The following KMT2D variants were observed in gnomAD, a reference collection of about 807,000 sequenced individuals.
KMT2D encodes the protein histone-lysine N-methyltransferase 2D.
Under a neutral mutation model 512.7 loss-of-function variants are expected in KMT2D, and 55 were observed. The ratio of observed to expected loss-of-function variants is 0.11; its 90% CI spans 0.09 to 0.13. The LOEUF (loss-of-function observed/expected upper bound fraction) is 0.13, where lower values mean the gene tolerates loss of function less well. Among genes scored for constraint, KMT2D ranks in the 10% least tolerant of loss-of-function variants. The pLI is 1.00. For synonymous variants in KMT2D, 2,995 were observed against 2,904.0 expected, an observed-to-expected ratio of 1.03 and a Z score of -1.01; for missense variants, 6,061 against 7,127.9, an observed-to-expected ratio of 0.85 and a Z score of 5.39.
Position 49,055,093 on chromosome 12 carries a change from A to T in KMT2D, c.50-67T>A. On this transcript the variant is annotated intron_variant, in intron 2 of 54. Coordinates refer to ENST00000301067, the MANE Select transcript of KMT2D (RefSeq NM_003482.4). ...ATTTAACACAAAGTCCACTCACCAG[A>T]CGCATGAGATTATCCAAAACCTGAG... 4 of 1,599,764 alleles carry T rather than the reference A, an allele frequency of 2.5e-6. No individual in the cohort carries two copies. The South Asian group carries it at 4.5e-5, about 18-fold the overall frequency.
intron 41 of KMT2D, 58 bp downstream of exon 41, chr12:49,030,835 G>A (rs1312703655): frequency 4.3e-6 from 7 of 1,612,278 alleles, no homozygotes; most frequent in Non-Finnish European, 5.1e-6. Flanking sequence ...CACAGCTGGG[G>A]GACAGGGTGC....
chr12:49,032,792 T>C lies in KMT2D; in HGVS notation c.11913A>G (p.Gln3971=), dbSNP rs760102083. The C allele has an allele frequency of 6.4e-7, 1 of 1,553,522 alleles. No homozygotes were observed. The highest frequency in any genetic ancestry group is 2.4e-5 in the East Asian group (1 of 41,082). Residue 3971 remains glutamine, a synonymous_variant, in exon 40 of 55, where the codon CAA becomes CAG. Coordinates refer to ENST00000301067, the MANE Select transcript of KMT2D (RefSeq NM_003482.4). ...QQQQQFQQQQ[Q]QQQMGLLNQS... ...GGTTTAAAAGGCCCATCTGCTGCTGTTGCTGCTGCTGTTGAAACTGCTGCT... is the reference window on the plus strand; with the variant it reads ...GGTTTAAAAGGCCCATCTGCTGCTGCTGCTGCTGCTGTTGAAACTGCTGCT...
intron 1 of KMT2D, among the ~76,000 whole-genome samples, chr12:49,058,311 G>C (rs897596223): frequency 6.6e-6 from 1 of 152,206 alleles, no homozygotes; most frequent in African/African-American, 2.4e-5. Context: ...CCGGAGTGGA[G>C]AGCAGGATTG....
Position 49,039,527 on chromosome 12 carries a change from C to T in KMT2D, c.8137G>A (p.Ala2713Thr), listed in dbSNP as rs748969707. ...EKETAAAAAG[A>T]VGPPGSWGAE... The stretch of plus-strand genomic sequence containing the variant: ...CCCCAGCTGCCTGGAGGCCCCACTG[C>T]TCCTGCAGCTGCTGCAGCTGTTTCC... Residue 2713 changes from alanine to threonine, a missense_variant, in exon 33 of 55, where the codon GCA becomes ACA. Ala to Thr is a moderately conservative substitution (Grantham distance 58). Coordinates refer to ENST00000301067, the MANE Select transcript of KMT2D (RefSeq NM_003482.4). This position sits in a 1 kb window ranked among gnomAD's most constrained non-coding sequence, Gnocchi z 5.0. The T allele has an allele frequency of 2.0e-5, 33 of 1,612,126 alleles. No homozygotes were observed. Among genetic ancestry groups the T allele is most frequent in the Middle Eastern group, 1.6e-4 (1 of 6,082 alleles).
At position 49,019,023 on chromosome 12, in the gene KMT2D, G is replaced by GAAGAAGCAAAATCCAAAACTTGC; in HGVS notation, c.*2734_*2756dup. On this transcript the variant is annotated 3_prime_UTR_variant, in exon 55 of 55. Coordinates refer to ENST00000301067, the MANE Select transcript of KMT2D (RefSeq NM_003482.4). ...TATTTGTCGTTTAAAAACAAACTTG[G>GAAGAAGCAAAATCCAAAACTTGC]AAGAAGCAAAATCCAAAACTTGCCC... 7.2e-7 allele frequency: 1 copy of GAAGAAGCAAAATCCAAAACTTGC among 1,386,580 alleles called. No homozygotes were observed. Among genetic ancestry groups the GAAGAAGCAAAATCCAAAACTTGC allele is most frequent in the Non-Finnish European group, 9.3e-7 (1 of 1,072,880 alleles). The allele number at this position is 1,386,580 out of a possible 1,614,324, so 85.9% of individuals were successfully genotyped here. A position where few individuals can be genotyped will look rare whatever the true frequency, so the allele number is the denominator to read the frequency against.
At chr12:49,058,423 A>G (rs1938540996) in intron 1 of KMT2D, among the ~76,000 whole-genome samples, 1 of 152,170 alleles carries the variant, frequency 6.6e-6, no homozygotes, top group Admixed American at 6.5e-5. Context: ...AGACTCAAAG[A>G]AATCTAGTAT....
chr12:49,041,046 C>T lies in KMT2D; in HGVS notation c.6724G>A (p.Asp2242Asn), dbSNP rs1344298960. The change falls in exon 32 of 55, where the codon GAC (aspartate) becomes AAC (asparagine). Residue 2242 changes from aspartate to asparagine, a missense_variant. Around this residue, in one of 16 missense-constraint regions of KMT2D, gnomAD observed 710 missense variants for 647.3 expected, o/e 1.10. Coordinates refer to ENST00000301067, the MANE Select transcript of KMT2D (RefSeq NM_003482.4). This position sits in a 1 kb window ranked among gnomAD's most constrained non-coding sequence, Gnocchi z 5.4. The stretch of plus-strand genomic sequence containing the variant: ...GGGCAGCGGGGTTTGAGGAATGGGT[C>T]AGGTGTGGAGGGCTGGTGTCTGGGG... ...GTPRHQPSTP[D>N]PFLKPRCPSL... The T allele has an allele frequency of 1.9e-6, 3 of 1,561,486 alleles. No homozygotes were observed. The highest frequency in any genetic ancestry group is 2.6e-6 in the Non-Finnish European group (3 of 1,153,280).
In KMT2D at chr12:49,026,774, A is replaced by G. The variant is rs750946638; in HGVS notation, c.15192T>C (p.Leu5064=). Reference sequence around the variant, plus strand: ...GGGTCTCATACACCTCCGTGGACCAAAGGGCACAGTTGAGGTGCACCCACA... The same window carrying G: ...GGGTCTCATACACCTCCGTGGACCAGAGGGCACAGTTGAGGTGCACCCACA... The part of the protein sequence containing the change: ...LDLWVHLNCA[L]WSTEVYETQG... Residue 5064 remains leucine, a synonymous_variant, in exon 49 of 55, where the codon CTT becomes CTC. Transcript: ENST00000301067. This position sits in a 1 kb window ranked among gnomAD's most constrained non-coding sequence, Gnocchi z 9.6. The G allele has an allele frequency of 6.2e-7, 1 of 1,612,970 alleles. No homozygotes were observed. The highest frequency in any genetic ancestry group is 8.5e-7 in the Non-Finnish European group (1 of 1,178,970).
At position 49,043,372 on chromosome 12, in the gene KMT2D, C is replaced by A. The variant is rs1399516081; in HGVS notation, c.5524G>T (p.Asp1842Tyr). ...EESRGLEGKADTPGPEDGGVK... is the reference protein window; with the variant it reads ...EESRGLEGKAYTPGPEDGGVK... ...CCCCGGCAGCCCTCACCTGGTGTAT[C>A]GGCTTTGCCCTCGAGGCCACGGGAT... The change falls in exon 25 of 55, where the codon GAT becomes TAT. Residue 1842 changes from aspartate to tyrosine, a missense_variant. Physicochemically the swap from Asp to Tyr is radical, Grantham distance 160. Transcript: ENST00000301067. 1 of 1,613,930 alleles carries A rather than the reference C, an allele frequency of 6.2e-7. No individual in the cohort carries two copies. The highest frequency in any genetic ancestry group is 1.1e-5 in the South Asian group (1 of 91,090).
rs549710712 is a variant in KMT2D at position 49,051,420 on chromosome 12, G to C, written c.2263C>G (p.Arg755Gly). The C allele has an allele frequency of 6.2e-6, 10 of 1,607,858 alleles. No individual in the cohort carries two copies. The South Asian group carries it at 1.1e-4, about 18-fold the overall frequency. ...PRPEEPHLSPRPEEPHLSPQA... is the reference protein window; with the variant it reads ...PRPEEPHLSPGPEEPHLSPQA... ...GGAGATAGGTGTGGCTCCTCAGGCC[G>C]GGGGGACAGGTGCGGCTCCTCAGGC... Residue 755 changes from arginine (R) to glycine (G), a missense_variant, in exon 11 of 55, where the codon CGG becomes GGG. Coordinates refer to ENST00000301067, the MANE Select transcript of KMT2D (RefSeq NM_003482.4).
At position 49,050,409 on chromosome 12, in the gene KMT2D, T is replaced by C. The variant is rs1937884547; in HGVS notation, c.3179A>G (p.Lys1060Arg). The C allele has an allele frequency of 6.2e-7, 1 of 1,613,620 alleles. No individual in the cohort carries two copies. Reference protein sequence around the residue: ...SVPSPLSPIGKVVGVSDEAEL... With the variant: ...SVPSPLSPIGRVVGVSDEAEL... ...AGCCTCATCTGAGACCCCCACTACC[T>C]TCCCTATGGGACTCAACGGGGAGGG... Residue 1060 changes from lysine (K) to arginine (R), a missense_variant, in exon 12 of 55, where the codon AAG (lysine) becomes AGG (arginine). Transcript: ENST00000301067.
Position 49,022,167 on chromosome 12 carries a change from G to A in KMT2D, c.16413-16C>T, listed in dbSNP as rs2137704200. 6.2e-7 allele frequency: 1 copy of A among 1,611,200 alleles called. No individual in the cohort carries two copies. Among genetic ancestry groups the A allele is most frequent in the Non-Finnish European group, 8.5e-7 (1 of 1,177,480 alleles). On this transcript the variant is annotated splice_polypyrimidine_tract_variant and intron_variant, in intron 53 of 54. Transcript: ENST00000301067. This position sits in a 1 kb window ranked among gnomAD's most constrained non-coding sequence, Gnocchi z 8.6. ...GTTAATGTACCTGGGCAGTGGGACA[G>A]AGTCAGGGATGTCAGGCAACTAACT...
rs1216334809 is a variant in KMT2D at position 49,034,301 on chromosome 12, TG to T, written c.10508-3del. The T allele has an allele frequency of 1.9e-6, 3 of 1,611,814 alleles. No homozygotes were observed. The East Asian group carries it at 6.7e-5, about 36-fold the overall frequency. On this transcript the variant is annotated splice_polypyrimidine_tract_variant and splice_region_variant and intron_variant, in intron 38 of 54. Coordinates refer to ENST00000301067, the MANE Select transcript of KMT2D (RefSeq NM_003482.4). ...CATACTGCCGCTGGTCAGCTTCATC[TG>T]GGAAAAGAAGCTGGGTGTCAGGACC... is the stretch of plus-strand genomic sequence containing the variant.
At position 49,041,022 on chromosome 12, in the gene KMT2D, G is replaced by GGCA. The variant is rs779882508; in HGVS notation, c.6745_6747dup (p.Cys2249dup). On this transcript the variant is annotated inframe_insertion, in exon 32 of 55. Transcript: ENST00000301067. This position sits in a 1 kb window ranked among gnomAD's most constrained non-coding sequence, Gnocchi z 5.4. ...GGCACAGCCAAGTTATCCAGCGAGG[G>GGCA]GCAGCGGGGTTTGAGGAATGGGTCA... The GGCA allele has an allele frequency of 1.3e-6, 2 of 1,577,986 alleles. No individual in the cohort carries two copies. The highest frequency in any genetic ancestry group is 1.7e-6 in the Non-Finnish European group (2 of 1,161,090).
rs201686029 is a variant in KMT2D at position 49,044,207 on chromosome 12, G to A, written c.5181C>T (p.Pro1727=). 2.2e-4 allele frequency: 360 copies of A among 1,611,336 alleles called. No homozygotes were observed. In the Middle Eastern group the frequency reaches 4.0e-3, roughly 18 times the overall value. Residue 1727 remains proline (P), a synonymous_variant, in exon 22 of 55, where the codon CCC becomes CCT. Coordinates refer to ENST00000301067, the MANE Select transcript of KMT2D (RefSeq NM_003482.4). This position sits in a 1 kb window ranked among gnomAD's most constrained non-coding sequence, Gnocchi z 6.4. ...TGCCCTCACCCGTCTCACCCTCGTC[G>A]GGCTGCCCATCCCCACTCAACACCT... The part of the protein sequence containing the change: ...QAEVLSGDGQ[P]DEVIPADLPA...
rs924670274 is a variant in KMT2D, at chr12:49,054,222, C to T, written c.511-82G>A. 6.5e-6 allele frequency: 10 copies of T among 1,533,506 alleles called. No individual in the cohort carries two copies. In the African/African-American group the frequency reaches 1.2e-4, roughly 19 times the overall value. The allele number at this position is 1,533,506 out of a possible 1,614,324, so 95.0% of individuals were successfully genotyped here. On this transcript the variant is annotated intron_variant, in intron 5 of 54. Transcript: ENST00000301067. The surrounding 1 kb of genome is among the most constrained non-coding windows in gnomAD (Gnocchi z 6.4). ...CAGGCACTAGCTCTGCCCCAGTATA[C>T]CCATGGTCCTTCTCATTCCAACCTG... is the stretch of plus-strand genomic sequence containing the variant.
In KMT2D at chr12:49,041,547, G is replaced by A. The variant is rs747517142; in HGVS notation, c.6235-12C>T. On this transcript the variant is annotated splice_polypyrimidine_tract_variant and intron_variant, in intron 31 of 54. Transcript: ENST00000301067. The surrounding 1 kb of genome is among the most constrained non-coding windows in gnomAD (Gnocchi z 5.4). ...TGGCTCTCAGCCTGCTACAGGGGGA[G>A]ACCAGGCATAGGGCAGTCAGGCTGC... 1.2e-6 allele frequency: 2 copies of A among 1,613,222 alleles called. No individual in the cohort carries two copies. The highest frequency in any genetic ancestry group is 1.3e-5 in the African/African-American group (1 of 74,994).
In KMT2D at chr12:49,052,910, C is replaced by T; in HGVS notation, c.1112+5G>A. 1 of 1,613,926 alleles carries T rather than the reference C, an allele frequency of 6.2e-7. No individual in the cohort carries two copies. The highest frequency in any genetic ancestry group is 8.5e-7 in the Non-Finnish European group (1 of 1,179,814). On this transcript the variant is annotated splice_donor_5th_base_variant and intron_variant, in intron 9 of 54. Coordinates refer to ENST00000301067, the MANE Select transcript of KMT2D (RefSeq NM_003482.4). Reference sequence around the variant, plus strand: ...GCCCAATCTCAGTCAGTCCCCACCACTTACCTGCTACACACCGGGGTATGC... The same window carrying T: ...GCCCAATCTCAGTCAGTCCCCACCATTTACCTGCTACACACCGGGGTATGC...
At position 49,020,881 on chromosome 12, in the gene KMT2D, G is replaced by C; in HGVS notation, c.*899C>G. Reference sequence around the variant, plus strand: ...AGAAGGAAGTCCTAGAGCAACTAGGGGCCAGTCATCCCCAATCTTCATCAT... The same window carrying C: ...AGAAGGAAGTCCTAGAGCAACTAGGCGCCAGTCATCCCCAATCTTCATCAT... On this transcript the variant is annotated 3_prime_UTR_variant, in exon 55 of 55. Transcript: ENST00000301067. 5.0e-6 allele frequency: 1 copy of C among 198,572 alleles called. No homozygotes were observed. Among genetic ancestry groups the C allele is most frequent in the Non-Finnish European group, 1.0e-5 (1 of 95,722 alleles). 12.3% of individuals were successfully genotyped at this position (198,572 alleles called of 1,614,324 possible).
Sources: allele counts gnomAD v4.1 joint callset (sites outside exome capture counted in the v4.1 genomes callset), GRCh38; gene constraint gnomAD v4.1.1; regional missense constraint gnomAD v4.1.1; non-coding constraint Gnocchi (gnomAD v3.1); transcripts MANE v1.5; gene names NCBI Gene and HGNC (gene_info 2026-07-23, HGNC 2026-07-21).